Variants in AFG2A observed in about 807,000 individuals in gnomAD.
The protein encoded by AFG2A is ATPase family gene 2 protein homolog A.
the AFG2A span, chr4:123,028,361 C>T: frequency 4.3e-6 from 7 of 1,613,980 alleles, no homozygotes; most frequent in South Asian, 2.2e-5. Flanking sequence ...AAGGCTTTGG[C>T]CAATGAGAGT....
chr4:123,249,297 A>G, the AFG2A span, among the ~76,000 whole-genome samples: 4 of 152,180 alleles, frequency 2.6e-5, no homozygotes, highest in Non-Finnish European at 5.9e-5. Context: ...CAGCGTGGTG[A>G]GTTTTACTAA....
At chr4:123,250,351 AC>A in the AFG2A span, among the ~76,000 whole-genome samples, 1 of 152,182 alleles carries the variant, frequency 6.6e-6, no homozygotes, top group African/African-American at 2.4e-5. Flanking sequence ...TTCATAATAA[AC>A]TAACATGTTT....
chr4:123,062,250 C>G, the AFG2A span, among the ~76,000 whole-genome samples: 3 of 152,140 alleles, frequency 2.0e-5, no homozygotes, highest in African/African-American at 7.2e-5. Flanking sequence ...CTGAGAAATT[C>G]AGTCATTAGT....
chr4:123,064,483 T>C, the AFG2A span, among the ~76,000 whole-genome samples: 28 of 152,246 alleles, frequency 1.8e-4, no homozygotes, highest in Non-Finnish European at 1.0e-4. Context: ...CAGTTGACTC[T>C]AGTACTTTGT....
At chr4:123,012,208 C>T in the AFG2A span, among the ~76,000 whole-genome samples, 4 of 129,960 alleles carry the variant, frequency 3.1e-5, no homozygotes, top group Non-Finnish European at 6.4e-5. Flanking sequence ...GCGCTTGTCC[C>T]CCAGGAAAGT....
the AFG2A span, among the ~76,000 whole-genome samples, chr4:123,156,170 T>A: frequency 2.0e-5 from 3 of 152,156 alleles, no homozygotes; most frequent in African/African-American, 7.2e-5. Context: ...CTCAGCTACA[T>A]GGCTGTGTTT....
At chr4:123,167,496 C>T in the AFG2A span, among the ~76,000 whole-genome samples, 9 of 151,948 alleles carry the variant, frequency 5.9e-5, no homozygotes, top group Admixed American at 3.3e-4. Context: ...TACAGGCGCC[C>T]GCCACCATGC....
chr4:122,992,732 A>G, the AFG2A span, among the ~76,000 whole-genome samples: 1 of 152,066 alleles, frequency 6.6e-6, no homozygotes, highest in Admixed American at 6.6e-5. Context: ...ATGTTAATAC[A>G]TTACTAATTT....
the AFG2A span, among the ~76,000 whole-genome samples, chr4:122,966,167 T>C: frequency 6.6e-6 from 1 of 152,180 alleles, no homozygotes; most frequent in Non-Finnish European, 1.5e-5. Context: ...GCATTTGTTG[T>C]GTAAAATAGG....
At chr4:123,164,801 A>C in the AFG2A span, among the ~76,000 whole-genome samples, 1 of 152,204 alleles carries the variant, frequency 6.6e-6, no homozygotes, top group African/African-American at 2.4e-5. Flanking sequence ...TGTAAAAAAC[A>C]GACCAAGTAT....
the AFG2A span, among the ~76,000 whole-genome samples, chr4:123,048,219 G>A: frequency 6.6e-5 from 10 of 152,250 alleles, no homozygotes; most frequent in Admixed American, 5.2e-4. Context: ...ATTGGTCTGT[G>A]TGCCTGTTTT....
chr4:123,260,806 T>C, the AFG2A span, among the ~76,000 whole-genome samples: 1 of 152,194 alleles, frequency 6.6e-6, no homozygotes, highest in South Asian at 2.1e-4. Context: ...AGCAGTGTAC[T>C]TGTCTCCAAA....
At chr4:123,233,454 A>G in the AFG2A span, among the ~76,000 whole-genome samples, 126 of 151,970 alleles carry the variant, frequency 8.3e-4, 1 homozygote, top group Non-Finnish European at 1.0e-4. Flanking sequence ...AAAGAAAAAA[A>G]GTTGAGAGTA....
the AFG2A span, among the ~76,000 whole-genome samples, chr4:123,054,468 T>C: frequency 1.3e-5 from 2 of 151,874 alleles, no homozygotes; most frequent in African/African-American, 4.8e-5. Flanking sequence ...AAAATAGTAA[T>C]GTTACTTTGG....
chr4:123,222,500 A>G, the AFG2A span, among the ~76,000 whole-genome samples: 4 of 152,214 alleles, frequency 2.6e-5, no homozygotes, highest in Admixed American at 6.5e-5. Context: ...TATAAAACCA[A>G]TGATAAAGAG....
At chr4:123,300,074 A>C in the AFG2A span, among the ~76,000 whole-genome samples, 2 of 152,084 alleles carry the variant, frequency 1.3e-5, no homozygotes, top group African/African-American at 2.4e-5. Context: ...TCTTTAGGAG[A>C]CTTTCTGGCT....
At chr4:123,139,759 T>C in the AFG2A span, among the ~76,000 whole-genome samples, 2 of 152,108 alleles carry the variant, frequency 1.3e-5, no homozygotes, top group Non-Finnish European at 2.9e-5. Flanking sequence ...TATTACATTA[T>C]GGTTTGGCCA....
the AFG2A span, among the ~76,000 whole-genome samples, chr4:123,075,392 A>G: frequency 2.7e-5 from 4 of 146,198 alleles, no homozygotes; most frequent in African/African-American, 1.0e-4. Flanking sequence ...TTCGCCTCCC[A>G]GGTTCAAGCG....
At chr4:123,061,669 C>T in the AFG2A span, among the ~76,000 whole-genome samples, 1 of 152,188 alleles carries the variant, frequency 6.6e-6, no homozygotes, top group Non-Finnish European at 1.5e-5. Flanking sequence ...ACAGTCAAAC[C>T]ATACCAGCTG....
Sources: gnomAD v4.1 joint callset for allele counts (sites outside exome capture counted in the v4.1 genomes callset) on GRCh38, gnomAD v4.1.1 for gene constraint, MANE v1.5 for transcripts, NCBI Gene and HGNC (gene_info 2026-07-23, HGNC 2026-07-21) for gene names.